Variants in TAF13 observed in about 807,000 individuals in gnomAD.
TAF13 encodes TATA-box binding protein associated factor 13, also known as transcription initiation factor TFIID subunit 13.
In TAF13, 9 loss-of-function variants were observed where a neutral mutation model predicts 18.7. That is an observed-to-expected ratio of 0.48 (90% CI 0.29 to 0.84). The LOEUF (loss-of-function observed/expected upper bound fraction) is 0.84. TAF13 is among the 40% of genes least tolerant of loss of function. The pLI, the probability that TAF13 is intolerant of heterozygous loss-of-function variation, is 0.08. For synonymous variants in TAF13, 49 were observed against 44.1 expected (o/e 1.11, Z -0.44); for missense variants, 105 against 146.5 (o/e 0.72, Z 1.46).
Position 109,064,287 on chromosome 1 carries a change from T to C in TAF13, c.*236A>G. On this transcript the variant is annotated 3_prime_UTR_variant, in exon 4 of 4. Transcript: ENST00000338366. ...ACAACGGCATGGTTTGCAAGGTACT[T>C]TGACTTATGTGTGGTCATTAAAACC... 3.3e-6 allele frequency: 1 copy of C among 304,414 alleles called. No individual in the cohort carries two copies. Among genetic ancestry groups the C allele is most frequent in the Non-Finnish European group, 5.9e-6 (1 of 168,306 alleles). The allele number at this position is 304,414 out of a possible 1,614,324, so 18.9% of individuals were successfully genotyped here. A position where few individuals can be genotyped will look rare whatever the true frequency, so the allele number is the denominator to read the frequency against.
chr1:109,070,318 A>C (rs1664027378), intron 2 of TAF13, among the ~76,000 whole-genome samples: 1 of 152,164 alleles, frequency 6.6e-6, no homozygotes, highest in Non-Finnish European at 1.5e-5. Context: ...TCCCGGGTTC[A>C]AGCGATTCTC....
At position 109,064,618 on chromosome 1, in the gene TAF13, G is replaced by T; in HGVS notation, c.280C>A (p.Pro94Thr). The change falls in exon 4 of 4, where the codon CCA becomes ACA. Residue 94 changes from proline (P) to threonine (T), a missense_variant. Coordinates refer to ENST00000338366, the MANE Select transcript of TAF13 (RefSeq NM_005645.4). ...EDIVFLIRKD[P>T]RKFARVKDLL... The stretch of plus-strand genomic sequence containing the variant: ...TCTTTAACCCTGGCAAACTTCCTTG[G>T]GTCCTTTCGAATCAAGAAGACGATA... 6.3e-7 allele frequency: 1 copy of T among 1,580,296 alleles called. No individual in the cohort carries two copies. The highest frequency in any genetic ancestry group is 1.2e-5 in the South Asian group (1 of 85,096).
At chr1:109,069,027 G>A (rs940561945) in intron 2 of TAF13, among the ~76,000 whole-genome samples, 1 of 152,106 alleles carries the variant, frequency 6.6e-6, no homozygotes, top group South Asian at 2.1e-4. Flanking sequence ...AAGTCCTTGA[G>A]ACTACCCTGA....
Position 109,076,003 on chromosome 1 carries a change from T to G in TAF13, c.-56A>C. The G allele has an allele frequency of 6.2e-7, 1 of 1,613,376 alleles. No homozygotes were observed. The highest frequency in any genetic ancestry group is 1.1e-5 in the South Asian group (1 of 91,046). ...CCGGCTGGCTCCCAGCTGGTTACAC[T>G]ACTTCCGCCGCCTCACTTCCGGTGA... On this transcript the variant is annotated 5_prime_UTR_variant, in exon 1 of 4. Coordinates refer to ENST00000338366, the MANE Select transcript of TAF13 (RefSeq NM_005645.4).
At chr1:109,066,288 A>G in intron 2 of TAF13, 56 bp from the exon 3 acceptor site, 1 of 1,400,688 alleles carries the variant, frequency 7.1e-7, no homozygotes, top group Non-Finnish European at 9.8e-7. Flanking sequence ...ACAATTTGAT[A>G]CTTTAAAAAA....
Position 109,066,230 on chromosome 1 carries a change from G to A in TAF13, c.109C>T (p.Arg37Ter), listed in dbSNP as rs753337538. The A allele has an allele frequency of 1.2e-5, 19 of 1,593,386 alleles. No homozygotes were observed. In the South Asian group the frequency reaches 1.5e-4, roughly 13 times the overall value. The change falls in exon 3 of 4, where the codon CGA (arginine) becomes TGA (stop). Residue 37 changes from arginine (R) to a stop codon, truncating the protein, a stop_gained and splice_region_variant. Transcript: ENST00000338366. LOFTEE classifies it high-confidence loss of function. ...TCCCCAAAGCCATACATCATACATC[G>A]CACTGTAAAAGAACAATCACTTACT... The part of the protein sequence containing the change: ...KRKRLFSKEL[R>*]CMMYGFGDDQ...
intron 2 of TAF13, 87 bp from the exon 3 acceptor site, chr1:109,066,319 G>A: frequency 1.0e-6 from 1 of 994,910 alleles, no homozygotes; most frequent in Non-Finnish European, 1.5e-6. Flanking sequence ...AATGAACCAA[G>A]TTATAGATAA....
intron 2 of TAF13, among the ~76,000 whole-genome samples, chr1:109,066,702 CTTTT>C (rs1001745808): frequency 2.8e-4 from 42 of 151,958 alleles, no homozygotes; most frequent in African/African-American, 9.7e-4. Context: ...TCTCCAAATA[CTTTT>C]TTTGTTTGTT....
At position 109,064,343 on chromosome 1, in the gene TAF13, G is replaced by A. The variant is rs919206973; in HGVS notation, c.*180C>T. The A allele has an allele frequency of 1.1e-5, 5 of 441,894 alleles. No individual in the cohort carries two copies. Among genetic ancestry groups the A allele is most frequent in the Non-Finnish European group, 1.9e-5 (5 of 265,874 alleles). 27.4% of individuals were successfully genotyped at this position (441,894 alleles called of 1,614,324 possible). A position where few individuals can be genotyped will look rare whatever the true frequency, so the allele number is the denominator to read the frequency against. On this transcript the variant is annotated 3_prime_UTR_variant, in exon 4 of 4. Transcript: ENST00000338366. ...AGTAATTCAAGTATGGTAATATAAA[G>A]GCAGGCAATTACATGCACCAATATC... is the stretch of plus-strand genomic sequence containing the variant.
At position 109,066,252 on chromosome 1, in the gene TAF13, T is replaced by G; in HGVS notation, c.107-20A>C. 1 of 1,155,510 alleles carries G rather than the reference T, an allele frequency of 8.7e-7. No individual in the cohort carries two copies. Among genetic ancestry groups the G allele is most frequent in the African/African-American group, 1.7e-5 (1 of 57,564 alleles). 71.6% of individuals were successfully genotyped at this position (1,155,510 alleles called of 1,614,324 possible). A position where few individuals can be genotyped will look rare whatever the true frequency, so the allele number is the denominator to read the frequency against. Reference sequence around the variant, plus strand: ...ATCGCACTGTAAAAGAACAATCACTTACTTTTGTTTACTTTTACAGATTTA... The same window carrying G: ...ATCGCACTGTAAAAGAACAATCACTGACTTTTGTTTACTTTTACAGATTTA... On this transcript the variant is annotated intron_variant, in intron 2 of 3. Transcript: ENST00000338366.
chr1:109,068,598 T>C (rs1209133770), intron 2 of TAF13, among the ~76,000 whole-genome samples: 2 of 152,158 alleles, frequency 1.3e-5, no homozygotes, highest in Non-Finnish European at 2.9e-5. Flanking sequence ...TCCTCCTGCC[T>C]TGGCCTCCCA....
intron 2 of TAF13, among the ~76,000 whole-genome samples, chr1:109,069,505 A>C (rs1476984175): frequency 1.3e-5 from 2 of 152,084 alleles, no homozygotes; most frequent in Non-Finnish European, 2.9e-5. Context: ...TTTTTTTCTG[A>C]ATATTTTCCA....
At chr1:109,071,090 A>T (rs1664041273) in intron 2 of TAF13, among the ~76,000 whole-genome samples, 1 of 152,054 alleles carries the variant, frequency 6.6e-6, no homozygotes. Context: ...TAAGCCTAGG[A>T]GTTTGAGACC....
intron 2 of TAF13, among the ~76,000 whole-genome samples, chr1:109,069,009 A>G (rs1309713144): frequency 2.6e-5 from 4 of 152,166 alleles, no homozygotes; most frequent in Admixed American, 6.5e-5. Flanking sequence ...CTCAAAAAAT[A>G]AAAAAAGAAG....
chr1:109,074,987 A>G lies in TAF13; in HGVS notation c.106T>C (p.Leu36=). The change falls in exon 2 of 4, where the codon TTG becomes CTG. Residue 36 remains leucine (L), a splice_region_variant and synonymous_variant. Coordinates refer to ENST00000338366, the MANE Select transcript of TAF13 (RefSeq NM_005645.4). ...GKRKRLFSKE[L]RCMMYGFGDD... ...AAAATCATTGTCAAATACTACTTACATTCTTTAGAAAAAAGTCTCTTTCTT... is the reference window on the plus strand; with the variant it reads ...AAAATCATTGTCAAATACTACTTACGTTCTTTAGAAAAAAGTCTCTTTCTT... 3 of 1,593,230 alleles carry G rather than the reference A, an allele frequency of 1.9e-6. No individual in the cohort carries two copies. The highest frequency in any genetic ancestry group is 2.6e-6 in the Non-Finnish European group (3 of 1,174,332).
In TAF13 at chr1:109,064,708, C is replaced by G; in HGVS notation, c.205-15G>C. ...GCCTTGTGAGTCTATTACAAAGAAACATATTACATTTAACTTTTTTAAATC... is the reference window on the plus strand; with the variant it reads ...GCCTTGTGAGTCTATTACAAAGAAAGATATTACATTTAACTTTTTTAAATC... On this transcript the variant is annotated splice_polypyrimidine_tract_variant and intron_variant, in intron 3 of 3. Transcript: ENST00000338366. The G allele has an allele frequency of 1.4e-6, 2 of 1,422,576 alleles. No individual in the cohort carries two copies. Among genetic ancestry groups the G allele is most frequent in the Admixed American group, 5.5e-5 (2 of 36,496 alleles). 88.1% of individuals were successfully genotyped at this position (1,422,576 alleles called of 1,614,324 possible). A position where few individuals can be genotyped will look rare whatever the true frequency, so the allele number is the denominator to read the frequency against.
chr1:109,068,320 TAG>T (rs1253796268), intron 2 of TAF13, among the ~76,000 whole-genome samples: 1 of 152,046 alleles, frequency 6.6e-6, no homozygotes, highest in Non-Finnish European at 1.5e-5. Context: ...TATTTTTTAG[TAG>T]AGTCAGGGTT....
intron 2 of TAF13, among the ~76,000 whole-genome samples, chr1:109,070,736 T>C (rs1664035729): frequency 6.6e-6 from 1 of 152,134 alleles, no homozygotes; most frequent in South Asian, 2.1e-4. Flanking sequence ...AATAGATCTT[T>C]CGTCAGTAAC....
chr1:109,074,580 TA>T (rs1557987227), intron 2 of TAF13, among the ~76,000 whole-genome samples: 1 of 151,816 alleles, frequency 6.6e-6, no homozygotes, highest in South Asian at 2.1e-4. Context: ...CAATAAATAC[TA>T]AAAAAATTAA....
Sources: gnomAD v4.1 joint callset for allele counts (sites outside exome capture counted in the v4.1 genomes callset) on GRCh38, gnomAD v4.1.1 for gene constraint, MANE v1.5 for transcripts, NCBI Gene and HGNC (gene_info 2026-07-23, HGNC 2026-07-21) for gene names.